Variants in RAB12 observed in about 807,000 individuals in gnomAD.
The protein encoded by RAB12 is ras-related protein Rab-12.
Under a neutral mutation model 28.4 loss-of-function variants are expected in RAB12, and 11 were observed. The observed-to-expected ratio is 0.39, with a 90% CI of 0.24 to 0.64. The LOEUF is 0.64. Ranked by LOEUF, RAB12 falls within the 30% of genes least tolerant of loss-of-function variation. RAB12 has a pLI of 0.50. For synonymous variants in RAB12, 138 were observed against 145.3 expected (o/e 0.95, Z 0.36); for missense variants, 276 against 351.1 (o/e 0.79, Z 1.71).
At chr18:8,629,481 T>C (rs925290836) in intron 2 of RAB12, among the ~76,000 whole-genome samples, 2 of 152,222 alleles carry the variant, frequency 1.3e-5, no homozygotes, top group African/African-American at 4.8e-5. Context: ...GCATCAACTT[T>C]CTAATTTTTA....
intron 1 of RAB12, among the ~76,000 whole-genome samples, chr18:8,619,337 C>T (rs1020493562): frequency 2.0e-5 from 3 of 152,164 alleles, no homozygotes; most frequent in African/African-American, 7.2e-5. Context: ...AAGAAGTTTC[C>T]GTGTGTTTTT....
chr18:8,610,124 T>G, intron 1 of RAB12, 171 bp downstream of exon 1: 1 of 535,682 alleles, frequency 1.9e-6, no homozygotes, highest in South Asian at 2.3e-5. Context: ...TCCCAAAGCC[T>G]GGCAGAGGTT....
chr18:8,634,462 G>C (rs555425837), intron 3 of RAB12, among the ~76,000 whole-genome samples: 10 of 152,038 alleles, frequency 6.6e-5, no homozygotes, highest in Non-Finnish European at 1.2e-4. Flanking sequence ...AAGTCACAGA[G>C]TGCAATCCTG....
chr18:8,612,512 G>A lies in RAB12; in HGVS notation c.514+2559G>A, dbSNP rs563340770. On this transcript the variant is annotated intron_variant, in intron 1 of 5. Coordinates refer to ENST00000649141, the MANE Select transcript of RAB12 (RefSeq NM_001025300.3). Reference sequence around the variant, plus strand: ...TAGGAGTTTCTCCCTACCCTGTCAGGGCTGCTCGCGACAGCCGTCTGGGAA... The same window carrying A: ...TAGGAGTTTCTCCCTACCCTGTCAGAGCTGCTCGCGACAGCCGTCTGGGAA... 3.3e-5 allele frequency among the ~76,000 whole-genome samples: 5 copies of A among 152,202 alleles called. No individual in the cohort carries two copies. The South Asian group carries it at 1.0e-3, about 32-fold the overall frequency.
At chr18:8,623,631 CCT>C (rs1315485683) in intron 1 of RAB12, among the ~76,000 whole-genome samples, 1 of 152,216 alleles carries the variant, frequency 6.6e-6, no homozygotes, top group African/African-American at 2.4e-5. Flanking sequence ...GAACCTGCTT[CCT>C]GGGTCAAGGC....
chr18:8,618,235 G>A (rs1044276996), intron 1 of RAB12, among the ~76,000 whole-genome samples: 9 of 152,106 alleles, frequency 5.9e-5, no homozygotes, highest in Non-Finnish European at 7.3e-5. Flanking sequence ...GGGTGGGAGC[G>A]TGCCAACCCT....
chr18:8,631,703 T>C (rs966708510), intron 2 of RAB12, among the ~76,000 whole-genome samples: 3 of 152,194 alleles, frequency 2.0e-5, no homozygotes, highest in African/African-American at 7.2e-5. Context: ...GGAAGAAATA[T>C]GGTCAAGTGC....
chr18:8,623,307 T>A (rs1013621896), intron 1 of RAB12, among the ~76,000 whole-genome samples: 2 of 152,242 alleles, frequency 1.3e-5, no homozygotes, highest in Non-Finnish European at 2.9e-5. Flanking sequence ...CCATGAAATC[T>A]TCACAATCCA....
chr18:8,616,755 C>T (rs189077585), intron 1 of RAB12, among the ~76,000 whole-genome samples: 8 of 135,834 alleles, frequency 5.9e-5, no homozygotes, highest in African/African-American at 2.4e-4. Context: ...ACCCCATCTC[C>T]ACAAAAAAAA....
intron 1 of RAB12, among the ~76,000 whole-genome samples, chr18:8,611,224 C>T (rs895600444): frequency 1.6e-4 from 25 of 152,178 alleles, no homozygotes; most frequent in African/African-American, 6.0e-4. Flanking sequence ...AGTCTTGGAT[C>T]ATGCAGAGTA....
intron 1 of RAB12, among the ~76,000 whole-genome samples, chr18:8,613,181 G>A (rs1192871218): frequency 2.0e-5 from 3 of 152,334 alleles, no homozygotes; most frequent in Admixed American, 1.3e-4. Context: ...CTGTTTAATG[G>A]AAATTGTCTA....
chr18:8,618,970 C>T (rs2096008271), intron 1 of RAB12, among the ~76,000 whole-genome samples: 2 of 152,160 alleles, frequency 1.3e-5, no homozygotes, highest in Non-Finnish European at 2.9e-5. Context: ...AATTTATTTT[C>T]TCACAACTCA....
intron 1 of RAB12, among the ~76,000 whole-genome samples, chr18:8,623,548 G>T (rs191755800): frequency 3.9e-4 from 60 of 152,328 alleles, no homozygotes; most frequent in Non-Finnish European, 2.4e-4. Context: ...TGCGTCTTGT[G>T]TAGTGTCACT....
At chr18:8,623,132 GA>G (rs2096010856) in intron 1 of RAB12, among the ~76,000 whole-genome samples, 1 of 152,144 alleles carries the variant, frequency 6.6e-6, no homozygotes, top group African/African-American at 2.4e-5. Flanking sequence ...CTTACAAGAT[GA>G]CAGGATTAAG....
chr18:8,636,918 G>T (rs1371713774), intron 5 of RAB12, among the ~76,000 whole-genome samples: 1 of 152,158 alleles, frequency 6.6e-6, no homozygotes, highest in African/African-American at 2.4e-5. Flanking sequence ...TGAAGTTTAT[G>T]TTATTAAGTG....
chr18:8,622,694 C>G (rs527379294), intron 1 of RAB12, among the ~76,000 whole-genome samples: 2 of 152,142 alleles, frequency 1.3e-5, no homozygotes, highest in Admixed American at 6.5e-5. Context: ...TGAGAGCAAC[C>G]GGTCTGACCC....
chr18:8,620,139 CTTTTTTT>C (rs71165795), intron 1 of RAB12, among the ~76,000 whole-genome samples: 51 of 53,954 alleles, frequency 9.5e-4, no homozygotes, highest in South Asian at 1.1e-3. Context: ...TTTTCTTCTT[CTTTTTTT>C]TTTTTTTTTT....
At chr18:8,615,077 G>C (rs998792600) in intron 1 of RAB12, among the ~76,000 whole-genome samples, 47 of 152,178 alleles carry the variant, frequency 3.1e-4, no homozygotes, top group African/African-American at 1.1e-3. Flanking sequence ...GATGCCCACT[G>C]GTGGGGCCTC....
At chr18:8,620,775 G>T (rs1021811027) in intron 1 of RAB12, among the ~76,000 whole-genome samples, 1 of 152,100 alleles carries the variant, frequency 6.6e-6, no homozygotes, top group African/African-American at 2.4e-5. Context: ...TGTCGGGGAG[G>T]CCAGCAAAGA....
Sources: gnomAD v4.1 joint callset for allele counts (sites outside exome capture counted in the v4.1 genomes callset) on GRCh38, gnomAD v4.1.1 for gene constraint, MANE v1.5 for transcripts, NCBI Gene and HGNC (gene_info 2026-07-23, HGNC 2026-07-21) for gene names.